The following TSHZ1 variants were observed in gnomAD, a reference collection of about 807,000 sequenced individuals.
TSHZ1 encodes the protein teashirt zinc finger homeobox 1.
Under a neutral mutation model 67.1 loss-of-function variants are expected in TSHZ1, and 12 were observed. That is an observed-to-expected ratio of 0.18 (90% CI 0.11 to 0.29). The LOEUF (loss-of-function observed/expected upper bound fraction) is 0.29, where lower values mean the gene tolerates loss of function less well. TSHZ1 is among the 10% of genes least tolerant of loss of function. TSHZ1 has a pLI of 1.00. For synonymous variants in TSHZ1, 632 were observed against 622.4 expected (o/e 1.02, Z -0.23); for missense variants, 1,305 against 1,413.9 (o/e 0.92, Z 1.23).
intron 1 of TSHZ1, among the ~76,000 whole-genome samples, chr18:75,249,752 G>A (rs988664358): frequency 6.6e-6 from 1 of 151,250 alleles, no homozygotes; most frequent in African/African-American, 2.4e-5. Flanking sequence ...CACCCCTGCA[G>A]TAGGTGGGGG....
At chr18:75,225,137 CATG>C (rs1294415684) in intron 1 of TSHZ1, among the ~76,000 whole-genome samples, 1 of 152,132 alleles carries the variant, frequency 6.6e-6, no homozygotes, top group Non-Finnish European at 1.5e-5. Flanking sequence ...CACATGGAGA[CATG>C]TCAGTGCACG....
rs144195822 is a variant in TSHZ1 at position 75,266,307 on chromosome 18, G to A, written c.41-19141G>A. 4.1e-3 allele frequency among the ~76,000 whole-genome samples: 623 copies of A among 152,320 alleles called. 5 individuals carry two copies. Among genetic ancestry groups the A allele is most frequent in the Non-Finnish European group, 7.0e-3 (478 of 68,022 alleles). On this transcript the variant is annotated intron_variant, in intron 1 of 1. Coordinates refer to ENST00000580243, the MANE Select transcript of TSHZ1 (RefSeq NM_001308210.2). ...CAGTAGCTCTTTGAGGAAAGCCTCT[G>A]ACTTCAATGCAGTGGATTGATCATA...
chr18:75,268,112 A>G (rs777381643), intron 1 of TSHZ1, among the ~76,000 whole-genome samples: 3 of 152,158 alleles, frequency 2.0e-5, no homozygotes, highest in Admixed American at 1.3e-4. Flanking sequence ...TGCACTTCCA[A>G]TTGTTTTGCT....
intron 1 of TSHZ1, among the ~76,000 whole-genome samples, chr18:75,234,251 G>T (rs2023037576): frequency 1.3e-5 from 2 of 152,096 alleles, no homozygotes; most frequent in African/African-American, 4.8e-5. Context: ...TGGGATTGTG[G>T]GTTCCCTGCG....
At chr18:75,235,388 T>A (rs2122541606) in intron 1 of TSHZ1, among the ~76,000 whole-genome samples, 1 of 152,268 alleles carries the variant, frequency 6.6e-6, no homozygotes, top group South Asian at 2.1e-4. Flanking sequence ...CCCAGCTCTA[T>A]ACCTGCAGAG....
Position 75,286,014 on chromosome 18 carries a change from G to T in TSHZ1, c.607G>T (p.Ala203Ser). 1 of 1,610,232 alleles carries T rather than the reference G, an allele frequency of 6.2e-7. No individual in the cohort carries two copies. Among genetic ancestry groups the T allele is most frequent in the Non-Finnish European group, 8.5e-7 (1 of 1,178,750 alleles). ...SSSGYDWHQA[A>S]LAKTLQQTSS... ...CTCCGGGTACGACTGGCACCAGGCTGCACTGGCCAAGACGCTGCAGCAGAC... is the reference window on the plus strand; with the variant it reads ...CTCCGGGTACGACTGGCACCAGGCTTCACTGGCCAAGACGCTGCAGCAGAC... The change falls in exon 2 of 2, where the codon GCA becomes TCA. Residue 203 changes from alanine to serine, a missense_variant. Coordinates refer to ENST00000580243, the MANE Select transcript of TSHZ1 (RefSeq NM_001308210.2). This position sits in a 1 kb window ranked among gnomAD's most constrained non-coding sequence, Gnocchi z 5.1.
At chr18:75,223,550 G>A (rs1040482515) in intron 1 of TSHZ1, among the ~76,000 whole-genome samples, 2 of 151,762 alleles carry the variant, frequency 1.3e-5, no homozygotes, top group Non-Finnish European at 1.5e-5. Flanking sequence ...TGCTTTCCTG[G>A]CCTGTCTTCT....
chr18:75,288,896 A>C lies in TSHZ1; in HGVS notation c.*255A>C. 2.5e-6 allele frequency: 1 copy of C among 406,192 alleles called. No individual in the cohort carries two copies. The highest frequency in any genetic ancestry group is 4.3e-6 in the Non-Finnish European group (1 of 230,136). 25.2% of individuals were successfully genotyped at this position (406,192 alleles called of 1,614,324 possible). A position where few individuals can be genotyped will look rare whatever the true frequency, so the allele number is the denominator to read the frequency against. On this transcript the variant is annotated 3_prime_UTR_variant, in exon 2 of 2. Transcript: ENST00000580243. This position sits in a 1 kb window ranked among gnomAD's most constrained non-coding sequence, Gnocchi z 4.9. ...TGGTGTTAAGCTATCTTTTGTAGGA[A>C]ATAGTGGGGCACACTACTCAGAGAC...
At chr18:75,237,090 C>T (rs2023082453) in intron 1 of TSHZ1, among the ~76,000 whole-genome samples, 1 of 152,170 alleles carries the variant, frequency 6.6e-6, no homozygotes, top group South Asian at 2.1e-4. Flanking sequence ...CCGTTAGTGC[C>T]TCAGTTTCTT....
chr18:75,219,602 TG>T (rs2122516304), intron 1 of TSHZ1, among the ~76,000 whole-genome samples: 1 of 152,374 alleles, frequency 6.6e-6, no homozygotes, highest in African/African-American at 2.4e-5. Flanking sequence ...CTTTGCTTTT[TG>T]CTACAGACTT....
chr18:75,218,876 C>T (rs962563615), intron 1 of TSHZ1, among the ~76,000 whole-genome samples: 3 of 152,218 alleles, frequency 2.0e-5, no homozygotes, highest in Non-Finnish European at 4.4e-5. Context: ...AGTCAATACT[C>T]TTTGCTGGGA....
chr18:75,228,696 T>C (rs1312083291), intron 1 of TSHZ1, among the ~76,000 whole-genome samples: 3 of 152,212 alleles, frequency 2.0e-5, no homozygotes, highest in Non-Finnish European at 2.9e-5. Flanking sequence ...ATTTGCTCAG[T>C]AGGGAGTTGG....
At chr18:75,212,288 G>T (rs778030281) in intron 1 of TSHZ1, among the ~76,000 whole-genome samples, 1 of 152,168 alleles carries the variant, frequency 6.6e-6, no homozygotes, top group Non-Finnish European at 1.5e-5. Flanking sequence ...TCCAAAGGCG[G>T]GGAGGCTGAA....
intron 1 of TSHZ1, among the ~76,000 whole-genome samples, chr18:75,213,787 A>G (rs2022730778): frequency 6.6e-6 from 1 of 152,014 alleles, no homozygotes. Context: ...CATTGGCTTT[A>G]ATGGTCAATC....
intron 1 of TSHZ1, among the ~76,000 whole-genome samples, chr18:75,263,169 T>C (rs2023450919): frequency 6.6e-6 from 1 of 152,198 alleles, no homozygotes; most frequent in Non-Finnish European, 1.5e-5. Flanking sequence ...TGTGGTCATA[T>C]CTTTTTTTAA....
intron 1 of TSHZ1, among the ~76,000 whole-genome samples, chr18:75,235,185 A>G (rs2023051808): frequency 6.6e-6 from 1 of 152,112 alleles, no homozygotes; most frequent in African/African-American, 2.4e-5. Context: ...TCTCGGAGGA[A>G]CCAAGGCGGG....
At chr18:75,236,993 G>A (rs374362100) in intron 1 of TSHZ1, among the ~76,000 whole-genome samples, 5 of 152,220 alleles carry the variant, frequency 3.3e-5, no homozygotes, top group East Asian at 3.9e-4. Context: ...ACTTTTTCTC[G>A]GATTGTTGTG....
At position 75,286,963 on chromosome 18, in the gene TSHZ1, A is replaced by G; in HGVS notation, c.1556A>G (p.Glu519Gly). 6.2e-7 allele frequency: 1 copy of G among 1,614,124 alleles called. No homozygotes were observed. Among genetic ancestry groups the G allele is most frequent in the Non-Finnish European group, 8.5e-7 (1 of 1,180,010 alleles). ...VAGDAEKIKEESEDSLEKFEP... is the reference protein window; with the variant it reads ...VAGDAEKIKEGSEDSLEKFEP... ...GGCGACGCGGAGAAGATCAAGGAGG[A>G]GAGTGAGGACAGCTTGGAGAAATTT... The change falls in exon 2 of 2, where the codon GAG (glutamate) becomes GGG (glycine). Residue 519 changes from glutamate (E) to glycine (G), a missense_variant. By Grantham distance (98) the Glu-to-Gly change is moderately conservative (BLOSUM62 -2). Transcript: ENST00000580243. This position sits in a 1 kb window ranked among gnomAD's most constrained non-coding sequence, Gnocchi z 5.1.
chr18:75,267,625 T>G (rs932793672), intron 1 of TSHZ1, among the ~76,000 whole-genome samples: 9 of 152,332 alleles, frequency 5.9e-5, no homozygotes, highest in Admixed American at 5.9e-4. Flanking sequence ...AAGCAGGTAC[T>G]GTTAAATGAT....
Sources: gnomAD v4.1 joint callset for allele counts (sites outside exome capture counted in the v4.1 genomes callset) on GRCh38, gnomAD v4.1.1 for gene constraint, Gnocchi (gnomAD v3.1) non-coding constraint, MANE v1.5 for transcripts, NCBI Gene and HGNC (gene_info 2026-07-23, HGNC 2026-07-21) for gene names.